HDAC9: variants seen among roughly 807,000 people sequenced by gnomAD.
HDAC9 encodes the protein histone deacetylase 9.
A neutral mutation model predicts 139.4 loss-of-function variants in HDAC9; 41 were observed. The ratio of observed to expected loss-of-function variants is 0.29; its 90% CI spans 0.23 to 0.38. The LOEUF (loss-of-function observed/expected upper bound fraction) is 0.38, where lower values mean the gene tolerates loss of function less well. HDAC9 is among the 10% of genes least tolerant of loss of function. The pLI is 1.00. For synonymous variants in HDAC9, 517 were observed against 476.2 expected, an observed-to-expected ratio of 1.09 and a Z score of -1.12; for missense variants, 1,147 against 1,297.0, an observed-to-expected ratio of 0.88 and a Z score of 1.78.
chr7:18,918,782 C>T (rs1035031095), intron 22 of HDAC9, among the ~76,000 whole-genome samples: 2 of 151,972 alleles, frequency 1.3e-5, no homozygotes, highest in East Asian at 3.9e-4. Context: ...ATCCAAAGAA[C>T]CTGCTTTTCC....
intron 2 of HDAC9, among the ~76,000 whole-genome samples, chr7:18,240,261 A>T (rs1318307069): frequency 6.6e-6 from 1 of 152,124 alleles, no homozygotes; most frequent in Admixed American, 6.5e-5. Context: ...TTAATCAACC[A>T]TAGCTGTTTA....
intron 1 of HDAC9, among the ~76,000 whole-genome samples, chr7:18,343,321 C>T (rs1022868078): frequency 4.6e-5 from 7 of 151,682 alleles, no homozygotes; most frequent in African/African-American, 7.3e-5. Flanking sequence ...GTCTTATGAA[C>T]TTTTGGCAAG....
At chr7:18,736,308 G>C (rs1418856875) in intron 13 of HDAC9, among the ~76,000 whole-genome samples, 1 of 152,148 alleles carries the variant, frequency 6.6e-6, no homozygotes, top group Non-Finnish European at 1.5e-5. Context: ...TCCTTGTCTT[G>C]TGCTGGTTTT....
chr7:18,861,035 T>A (rs1050978316), intron 21 of HDAC9, among the ~76,000 whole-genome samples: 6 of 152,192 alleles, frequency 3.9e-5, no homozygotes, highest in Non-Finnish European at 8.8e-5. Context: ...GTAATGCTTA[T>A]GAAACCAAAT....
intron 5 of HDAC9, among the ~76,000 whole-genome samples, chr7:18,593,641 C>T (rs1467379560): frequency 6.6e-6 from 1 of 152,238 alleles, no homozygotes; most frequent in South Asian, 2.1e-4. Context: ...GTCAAAAGCT[C>T]AGACTCTTGG....
chr7:18,240,161 A>G (rs917753885), intron 2 of HDAC9, among the ~76,000 whole-genome samples: 2 of 152,110 alleles, frequency 1.3e-5, no homozygotes, highest in Non-Finnish European at 2.9e-5. Context: ...AAGTCTGGCT[A>G]TTTCCTAGAT....
intron 2 of HDAC9, among the ~76,000 whole-genome samples, chr7:18,501,881 C>G (rs1400823631): frequency 5.3e-5 from 8 of 152,160 alleles, no homozygotes; most frequent in Non-Finnish European, 7.3e-5. Flanking sequence ...AGGTTGTTTT[C>G]TCCTGCAGAT....
At chr7:18,724,611 AAAT>A (rs1422747731) in intron 12 of HDAC9, among the ~76,000 whole-genome samples, 3 of 152,182 alleles carry the variant, frequency 2.0e-5, no homozygotes, top group African/African-American at 7.2e-5. Flanking sequence ...AAATTATTAA[AAAT>A]AAAGTAATTG....
Position 18,547,884 on chromosome 7 carries a change from T to TCTCC in HDAC9, c.23-37393_23-37390dup, listed in dbSNP as rs1180088695. ...CCCTCCCTCCCTCCCTCCCTCCCTC[T>TCTCC]CTCCCTCTCTCCCTCTCTCCCTTTC... On this transcript the variant is annotated intron_variant, in intron 2 of 25. Coordinates refer to ENST00000686413, the MANE Select transcript of HDAC9 (RefSeq NM_178425.4). 7.5e-5 allele frequency among the ~76,000 whole-genome samples: 5 copies of TCTCC among 66,704 alleles called. No individual in the cohort carries two copies. The East Asian group carries it at 2.6e-3, about 35-fold the overall frequency. 43.8% of individuals were successfully genotyped at this position (66,704 alleles called of 152,430 possible).
chr7:18,752,006 C>A (rs946361654), intron 14 of HDAC9, among the ~76,000 whole-genome samples: 5 of 151,818 alleles, frequency 3.3e-5, no homozygotes, highest in South Asian at 2.1e-4. Flanking sequence ...TTGTAGATTT[C>A]TTCTAATATT....
chr7:18,818,544 C>G (rs1344512069), intron 17 of HDAC9, among the ~76,000 whole-genome samples: 1 of 152,110 alleles, frequency 6.6e-6, no homozygotes, highest in Non-Finnish European at 1.5e-5. Flanking sequence ...GCAGCTATAC[C>G]TTTACCAAGA....
intron 24 of HDAC9, among the ~76,000 whole-genome samples, chr7:18,975,165 C>T (rs1784474314): frequency 6.6e-6 from 1 of 152,028 alleles, no homozygotes; most frequent in Non-Finnish European, 1.5e-5. Flanking sequence ...CCTTTCCTGC[C>T]TCAAAAAAAG....
At chr7:18,942,699 G>C (rs1782104750) in intron 23 of HDAC9, among the ~76,000 whole-genome samples, 1 of 151,994 alleles carries the variant, frequency 6.6e-6, no homozygotes, top group African/African-American at 2.4e-5. Flanking sequence ...ACTTGTGAAA[G>C]CCAATTGTGT....
chr7:18,912,719 G>T (rs1563050435), intron 22 of HDAC9, among the ~76,000 whole-genome samples: 1 of 152,076 alleles, frequency 6.6e-6, no homozygotes, highest in African/African-American at 2.4e-5. Context: ...ATATTGGTCA[G>T]ATTTTAATTT....
intron 6 of HDAC9, among the ~76,000 whole-genome samples, chr7:18,600,192 G>T (rs1833577300): frequency 6.6e-6 from 1 of 151,080 alleles, no homozygotes; most frequent in African/African-American, 2.4e-5. Flanking sequence ...GTGTATTTTG[G>T]GTACAAATTC....
intron 25 of HDAC9, among the ~76,000 whole-genome samples, chr7:18,992,431 A>G (rs1338396981): frequency 1.3e-5 from 2 of 152,374 alleles, no homozygotes; most frequent in African/African-American, 4.8e-5. Context: ...TAAAATAAAA[A>G]TATATACCCA....
chr7:18,231,497 G>A (rs1363231698), intron 2 of HDAC9, among the ~76,000 whole-genome samples: 1 of 152,116 alleles, frequency 6.6e-6, no homozygotes, highest in South Asian at 2.1e-4. Context: ...AAGTATTCAA[G>A]AATCCCTTAA....
chr7:18,584,768 T>C (rs1039796845), intron 2 of HDAC9, among the ~76,000 whole-genome samples: 3 of 152,224 alleles, frequency 2.0e-5, no homozygotes, highest in Non-Finnish European at 4.4e-5. Flanking sequence ...CTATTCTGTC[T>C]TTGGTACATC....
intron 1 of HDAC9, among the ~76,000 whole-genome samples, chr7:18,338,483 A>G (rs1414594459): frequency 6.6e-6 from 1 of 151,720 alleles, no homozygotes; most frequent in Non-Finnish European, 1.5e-5. Flanking sequence ...TTACTTTGAC[A>G]TAAACAAAAA....
Sources: gnomAD v4.1 joint callset for allele counts (sites outside exome capture counted in the v4.1 genomes callset) on GRCh38, gnomAD v4.1.1 for gene constraint, MANE v1.5 for transcripts, NCBI Gene and HGNC (gene_info 2026-07-23, HGNC 2026-07-21) for gene names.